Variants in APBA1 observed in about 807,000 individuals in gnomAD.
APBA1 encodes the protein amyloid-beta A4 precursor protein-binding family A member 1.
APBA1 carries 55 observed loss-of-function variants against 86.6 expected under a neutral mutation model. That is an observed-to-expected ratio of 0.64 (90% CI 0.51 to 0.80). The LOEUF is 0.80. Ranked by LOEUF, APBA1 falls within the 30% of genes least tolerant of loss-of-function variation. APBA1 has a pLI of 0.00. For missense variants in APBA1, 1,090 were observed against 1,183.0 expected, an observed-to-expected ratio of 0.92 and a Z score of 1.15; for synonymous variants, 511 against 493.9, an observed-to-expected ratio of 1.03 and a Z score of -0.46.
rs531288235 is a variant in APBA1 at position 69,513,188 on chromosome 9, C to T, written c.1200+2823G>A. Among the ~76,000 whole-genome samples the T allele has an allele frequency of 2.6e-5, 4 of 152,292 alleles. No homozygotes were observed. In the East Asian group the frequency reaches 7.7e-4, roughly 29 times the overall value. ...GCTGATTTTCTGACATGGTTGGTTC[C>T]TAAAGCATCATACAATGTTCTATAA... On this transcript the variant is annotated intron_variant, in intron 2 of 12. Coordinates refer to ENST00000265381, the MANE Select transcript of APBA1 (RefSeq NM_001163.4).
intron 1 of APBA1, among the ~76,000 whole-genome samples, chr9:69,616,750 T>G (rs915764439): frequency 2.0e-5 from 3 of 152,120 alleles, no homozygotes; most frequent in Non-Finnish European, 4.4e-5. Flanking sequence ...GGGACCAGAT[T>G]AGACCACACC....
In APBA1 at chr9:69,441,055, C is replaced by T. The variant is rs753100881; in HGVS notation, c.2242G>A (p.Val748Met). Residue 748 changes from valine to methionine, a missense_variant, in exon 11 of 13, where the codon GTG becomes ATG. Physicochemically the swap from Val to Met is conservative, Grantham distance 21. Around this residue, in one of 6 missense-constraint regions of APBA1, gnomAD observed 119 missense variants for 124.8 expected, o/e 0.95. Transcript: ENST00000265381. ...NIVRCPPVTT[V>M]LIRRPDLRYQ... Reference sequence around the variant, plus strand: ...CGAAGGTCTGGTCTTCTGATTAACACGGTGGTCACCGGAGGACATCTCACG... The same window carrying T: ...CGAAGGTCTGGTCTTCTGATTAACATGGTGGTCACCGGAGGACATCTCACG... The T allele has an allele frequency of 2.5e-5, 41 of 1,613,982 alleles. No homozygotes were observed. The highest frequency in any genetic ancestry group is 5.0e-5 in the Admixed American group (3 of 59,996).
chr9:69,640,402 TG>T (rs1179962416), intron 1 of APBA1, among the ~76,000 whole-genome samples: 2 of 152,026 alleles, frequency 1.3e-5, no homozygotes, highest in Non-Finnish European at 2.9e-5. Context: ...AGTTTAGAAT[TG>T]CTGGGAGTCA....
At chr9:69,605,506 G>A (rs1219329157) in intron 1 of APBA1, among the ~76,000 whole-genome samples, 3 of 152,306 alleles carry the variant, frequency 2.0e-5, no homozygotes, top group African/African-American at 4.8e-5. Flanking sequence ...GGCATATCGT[G>A]TGATGACTCA....
chr9:69,440,565 C>A (rs550724407), intron 11 of APBA1, among the ~76,000 whole-genome samples: 1 of 152,144 alleles, frequency 6.6e-6, no homozygotes, highest in Non-Finnish European at 1.5e-5. Flanking sequence ...GCTCCATGGG[C>A]GTAGGACCCT....
chr9:69,497,897 A>G (rs1835824789), intron 2 of APBA1, among the ~76,000 whole-genome samples: 1 of 152,226 alleles, frequency 6.6e-6, no homozygotes, highest in East Asian at 1.9e-4. Context: ...AATGGTTGAC[A>G]AGGTCAGTGG....
chr9:69,477,215 T>G (rs1288670691), intron 2 of APBA1, among the ~76,000 whole-genome samples: 1 of 151,472 alleles, frequency 6.6e-6, no homozygotes, highest in Non-Finnish European at 1.5e-5. Context: ...GGTACTGGGT[T>G]CATCTCACTA....
At position 69,558,545 on chromosome 9, in the gene APBA1, T is replaced by TAC. The variant is rs1327511661; in HGVS notation, c.-69-41268_-69-41267dup. On this transcript the variant is annotated intron_variant, in intron 1 of 12. Coordinates refer to ENST00000265381, the MANE Select transcript of APBA1 (RefSeq NM_001163.4). ...AATTATATATATATACACACACACA[T>TAC]ACACACACACACACACATATATATA... Among the ~76,000 whole-genome samples the TAC allele has an allele frequency of 8.0e-3, 707 of 88,738 alleles. 4 individuals carry two copies. Among genetic ancestry groups the TAC allele is most frequent in the East Asian group, 0.022 (43 of 1,946 alleles). The allele number at this position is 88,738 out of a possible 152,430, so 58.2% of individuals were successfully genotyped here.
intron 1 of APBA1, among the ~76,000 whole-genome samples, chr9:69,641,901 CG>C (rs1823292786): frequency 6.6e-6 from 1 of 152,042 alleles, no homozygotes; most frequent in Non-Finnish European, 1.5e-5. Flanking sequence ...GCTGGAGTGC[CG>C]TGGCGTGATC....
chr9:69,670,355 C>T (rs1478947696), intron 1 of APBA1, among the ~76,000 whole-genome samples: 1 of 152,110 alleles, frequency 6.6e-6, no homozygotes, highest in Non-Finnish European at 1.5e-5. Flanking sequence ...ATCTCTGGTG[C>T]CAACATGTTG....
chr9:69,646,886 C>T (rs1823399810), intron 1 of APBA1, among the ~76,000 whole-genome samples: 2 of 152,184 alleles, frequency 1.3e-5, no homozygotes, highest in African/African-American at 4.8e-5. Flanking sequence ...GTGATTAACA[C>T]TATTTTCTTA....
At chr9:69,621,026 T>G (rs1361213484) in intron 1 of APBA1, among the ~76,000 whole-genome samples, 1 of 152,200 alleles carries the variant, frequency 6.6e-6, no homozygotes, top group African/African-American at 2.4e-5. Context: ...TGTAGCATGG[T>G]GGGCAAGTTA....
rs564246430 is a variant in APBA1 at position 69,651,730 on chromosome 9, C to T, written c.-70+20423G>A. On this transcript the variant is annotated intron_variant, in intron 1 of 12. Coordinates refer to ENST00000265381, the MANE Select transcript of APBA1 (RefSeq NM_001163.4). The stretch of plus-strand genomic sequence containing the variant: ...ACCTCAGGTGATCCACCTGCCTGGG[C>T]CTCCCAGAGCGCTGAGATTACCGGC... 3.9e-5 allele frequency among the ~76,000 whole-genome samples: 6 copies of T among 152,330 alleles called. No individual in the cohort carries two copies. The South Asian group carries it at 1.0e-3, about 26-fold the overall frequency.
chr9:69,468,993 T>A (rs906389816), intron 4 of APBA1, among the ~76,000 whole-genome samples: 7 of 151,926 alleles, frequency 4.6e-5, no homozygotes, highest in African/African-American at 1.7e-4. Flanking sequence ...GCCTCCCAAG[T>A]GGCTGAAACT....
At chr9:69,436,409 G>A (rs1834720822) in intron 11 of APBA1, among the ~76,000 whole-genome samples, 1 of 151,972 alleles carries the variant, frequency 6.6e-6, no homozygotes, top group African/African-American at 2.4e-5. Flanking sequence ...TCCTACCCAT[G>A]AGCATGGAAT....
chr9:69,462,584 G>A (rs1835208230), intron 5 of APBA1: 1 of 152,166 alleles, frequency 6.6e-6, no homozygotes, highest in Admixed American at 6.5e-5. Context: ...TAAAGTGAAT[G>A]AAATCTTCTT....
At chr9:69,577,802 G>A (rs2133953804) in intron 1 of APBA1, among the ~76,000 whole-genome samples, 1 of 152,092 alleles carries the variant, frequency 6.6e-6, no homozygotes, top group African/African-American at 2.4e-5. Context: ...TTTTTTAAGA[G>A]CTTCATATTT....
rs1312031661 is a variant in APBA1 at position 69,517,075 on chromosome 9, G to T, written c.136C>A (p.His46Asn). The T allele has an allele frequency of 6.3e-7, 1 of 1,584,580 alleles. No homozygotes were observed. The highest frequency in any genetic ancestry group is 1.8e-5 in the Admixed American group (1 of 57,122). The part of the protein sequence containing the change: ...EEQQQPPQQQ[H>N]YVGRHQRGRA... ...CCGCGCTGGTGGCGGCCCACATAGT[G>T]CTGCTGCTGCGGCGGCTGCTGCTGT... The change falls in exon 2 of 13, where the codon CAC (histidine) becomes AAC (asparagine). Residue 46 changes from histidine (H) to asparagine (N), a missense_variant. Transcript: ENST00000265381.
At position 69,444,019 on chromosome 9, in the gene APBA1, T is replaced by C. The variant is rs547237336; in HGVS notation, c.2182-2904A>G. Among the ~76,000 whole-genome samples the C allele has an allele frequency of 2.6e-5, 4 of 152,302 alleles. No homozygotes were observed. The South Asian group carries it at 8.3e-4, about 32-fold the overall frequency. On this transcript the variant is annotated intron_variant, in intron 10 of 12. Coordinates refer to ENST00000265381, the MANE Select transcript of APBA1 (RefSeq NM_001163.4). The stretch of plus-strand genomic sequence containing the variant: ...ACCCCCTGGCTTCCCCACTGACTTC[T>C]GCTTCTAGTTTGTGCTCCTAATGTG...
Sources: gnomAD v4.1 joint callset for allele counts (sites outside exome capture counted in the v4.1 genomes callset) on GRCh38, gnomAD v4.1.1 for gene constraint, gnomAD v4.1.1 regional missense constraint, MANE v1.5 for transcripts, NCBI Gene and HGNC (gene_info 2026-07-23, HGNC 2026-07-21) for gene names.